The following BMPR2 variants were observed in gnomAD, a reference collection of about 807,000 sequenced individuals.
BMPR2 encodes bone morphogenetic protein receptor type-2.
Under a neutral mutation model 100.8 loss-of-function variants are expected in BMPR2, and 29 were observed. The observed-to-expected ratio is 0.29, with a 90% CI of 0.21 to 0.39. The LOEUF (loss-of-function observed/expected upper bound fraction) is 0.39. Among genes scored for constraint, BMPR2 ranks in the 10% least tolerant of loss-of-function variants. BMPR2 has a pLI of 1.00. For missense variants in BMPR2, 1,011 were observed against 1,274.5 expected (o/e 0.79, Z 3.15); for synonymous variants, 382 against 442.3 (o/e 0.86, Z 1.71).
chr2:202,462,260 T>G (rs1692238214), intron 1 of BMPR2, among the ~76,000 whole-genome samples: 1 of 151,470 alleles, frequency 6.6e-6, no homozygotes, highest in South Asian at 2.1e-4. Flanking sequence ...GATGAAGTCT[T>G]GCTCTGTCGC....
In BMPR2 at chr2:202,457,571, G is replaced by T. The variant is rs912858017; in HGVS notation, c.77-7238G>T. On this transcript the variant is annotated intron_variant, in intron 1 of 12. Transcript: ENST00000374580. Reference sequence around the variant, plus strand: ...ATATATATATATATATAGAGAGAGAGAGAGAGAGAGAGAGAGAGAGAGTAT... The same window carrying T: ...ATATATATATATATATAGAGAGAGATAGAGAGAGAGAGAGAGAGAGAGTAT... 5.2e-3 allele frequency among the ~76,000 whole-genome samples: 678 copies of T among 131,552 alleles called. 2 individuals carry two copies. Among genetic ancestry groups the T allele is most frequent in the Non-Finnish European group, 7.6e-3 (461 of 60,882 alleles). 86.3% of individuals were successfully genotyped at this position (131,552 alleles called of 152,430 possible). A position where few individuals can be genotyped will look rare whatever the true frequency, so the allele number is the denominator to read the frequency against.
intron 10 of BMPR2, among the ~76,000 whole-genome samples, chr2:202,549,897 A>G: frequency 6.6e-6 from 1 of 152,086 alleles, no homozygotes; most frequent in East Asian, 1.9e-4. Context: ...TTAATTTTAA[A>G]CATTCTTTTT....
Position 202,567,375 on chromosome 2 carries a change from G to T in BMPR2, c.*7429G>T, listed in dbSNP as rs1263986543. ...CGGGTATCTTTTGTTGGTGTGTTTT[G>T]CTCTTACATTACAGATAGACTATCA... On this transcript the variant is annotated 3_prime_UTR_variant, in exon 13 of 13. Transcript: ENST00000374580. 1 of 152,578 alleles carries T rather than the reference G, an allele frequency of 6.6e-6. No homozygotes were observed. The highest frequency in any genetic ancestry group is 2.4e-5 in the African/African-American group (1 of 41,428). 9.5% of individuals were successfully genotyped at this position (152,578 alleles called of 1,614,324 possible).
intron 3 of BMPR2, among the ~76,000 whole-genome samples, chr2:202,468,794 GT>G (rs1692375003): frequency 6.6e-6 from 1 of 151,912 alleles, no homozygotes; most frequent in Admixed American, 6.6e-5. Flanking sequence ...ATTTTCACCG[GT>G]AATATTAGAT....
chr2:202,510,467 TGAAA>T (rs1432530337), intron 3 of BMPR2, among the ~76,000 whole-genome samples: 1 of 152,172 alleles, frequency 6.6e-6, no homozygotes, highest in Non-Finnish European at 1.5e-5. Context: ...TATTGCTAAG[TGAAA>T]GAAGGCAGTC....
intron 10 of BMPR2, among the ~76,000 whole-genome samples, chr2:202,548,947 C>T (rs1229432873): frequency 6.6e-6 from 1 of 152,114 alleles, no homozygotes; most frequent in Admixed American, 6.6e-5. Context: ...TATATGTATA[C>T]ACCCATAAAA....
intron 1 of BMPR2, among the ~76,000 whole-genome samples, chr2:202,402,716 G>C (rs1690790726): frequency 6.6e-6 from 1 of 151,120 alleles, no homozygotes; most frequent in African/African-American, 2.4e-5. Flanking sequence ...ACTCATGCTG[G>C]AGTGCGGTGG....
intron 1 of BMPR2, among the ~76,000 whole-genome samples, chr2:202,459,878 G>A (rs1173375783): frequency 1.3e-5 from 2 of 152,176 alleles, no homozygotes; most frequent in African/African-American, 4.8e-5. Context: ...TGACAAAGGT[G>A]TAATAACCAG....
intron 7 of BMPR2, among the ~76,000 whole-genome samples, chr2:202,527,331 A>G (rs901768472): frequency 1.3e-5 from 2 of 151,246 alleles, no homozygotes; most frequent in Admixed American, 6.6e-5. Flanking sequence ...CTAAAAATAC[A>G]AAAAAAATTA....
intron 3 of BMPR2, among the ~76,000 whole-genome samples, chr2:202,476,706 T>C (rs1385731542): frequency 6.6e-6 from 1 of 152,102 alleles, no homozygotes; most frequent in Non-Finnish European, 1.5e-5. Context: ...GGAGAATTGC[T>C]GGAACCCGGG....
At chr2:202,380,232 T>A (rs528549017) in intron 1 of BMPR2, among the ~76,000 whole-genome samples, 53 of 151,872 alleles carry the variant, frequency 3.5e-4, no homozygotes, top group Non-Finnish European at 4.6e-4. Flanking sequence ...TAAGATGTGC[T>A]GGCTTGGTTT....
In BMPR2 at chr2:202,556,406, A is replaced by C. The variant is rs1214758885; in HGVS notation, c.2741A>C (p.Asp914Ala). 6.2e-7 allele frequency: 1 copy of C among 1,614,178 alleles called. No individual in the cohort carries two copies. Among genetic ancestry groups the C allele is most frequent in the Middle Eastern group, 1.6e-4 (1 of 6,062 alleles). Residue 914 changes from aspartate to alanine, a missense_variant, in exon 12 of 13, where the codon GAT (aspartate) becomes GCT (alanine). Coordinates refer to ENST00000374580, the MANE Select transcript of BMPR2 (RefSeq NM_001204.7). ...AACAGCAATCCATGTTCAGAACAAG[A>C]TGTTCTTGCACAGGGTGTTCCAAGC... The part of the protein sequence containing the change: ...NNNSNPCSEQ[D>A]VLAQGVPSTA...
chr2:202,523,032 C>G (rs369916127), intron 7 of BMPR2, among the ~76,000 whole-genome samples: 1 of 152,006 alleles, frequency 6.6e-6, no homozygotes, highest in African/African-American at 2.4e-5. Context: ...AACAATTGAA[C>G]AAGCAAAAAA....
chr2:202,379,290 A>G (rs370723810), intron 1 of BMPR2, among the ~76,000 whole-genome samples: 5 of 152,190 alleles, frequency 3.3e-5, no homozygotes, highest in Admixed American at 6.6e-5. Flanking sequence ...TGACAATTCT[A>G]TGTTGTAGGT....
At chr2:202,477,549 G>A (rs965928989) in intron 3 of BMPR2, among the ~76,000 whole-genome samples, 1 of 152,090 alleles carries the variant, frequency 6.6e-6, no homozygotes, top group African/African-American at 2.4e-5. Context: ...CAGCACTTTG[G>A]GAGGCCAAGG....
At chr2:202,553,029 A>C in intron 11 of BMPR2, 141 bp downstream of exon 11, 1 of 1,155,116 alleles carries the variant, frequency 8.7e-7, no homozygotes. Context: ...TTTTCTTTCA[A>C]TATTCCTATT....
intron 1 of BMPR2, among the ~76,000 whole-genome samples, chr2:202,406,259 CTTCT>C (rs1161505638): frequency 6.6e-6 from 1 of 152,188 alleles, no homozygotes; most frequent in Non-Finnish European, 1.5e-5. Flanking sequence ...ACACCATTGC[CTTCT>C]TTCTGTGTTC....
At chr2:202,425,534 C>T (rs984124860) in intron 1 of BMPR2, among the ~76,000 whole-genome samples, 3 of 151,810 alleles carry the variant, frequency 2.0e-5, no homozygotes, top group Admixed American at 6.6e-5. Context: ...ATCTCTGGGC[C>T]GAGATTAAAG....
intron 1 of BMPR2, among the ~76,000 whole-genome samples, chr2:202,412,236 A>T (rs1186924209): frequency 2.0e-5 from 3 of 152,220 alleles, no homozygotes; most frequent in Non-Finnish European, 4.4e-5. Flanking sequence ...AATTCTTGAG[A>T]TAGTAAAATG....
Sources: allele counts gnomAD v4.1 joint callset (sites outside exome capture counted in the v4.1 genomes callset), GRCh38; gene constraint gnomAD v4.1.1; transcripts MANE v1.5; gene names NCBI Gene and HGNC (gene_info 2026-07-23, HGNC 2026-07-21).